The following SPATA21 variants were observed in gnomAD, a reference collection of about 807,000 sequenced individuals.
SPATA21 encodes spermatogenesis associated 21.
Under a neutral mutation model 54.8 loss-of-function variants are expected in SPATA21, and 47 were observed. The ratio of observed to expected loss-of-function variants is 0.86; its 90% CI spans 0.68 to 1.09. SPATA21 has a LOEUF of 1.09. Among genes scored for constraint, SPATA21 ranks in the 50% least tolerant of loss-of-function variants. SPATA21 has a pLI of 0.00. For synonymous variants in SPATA21, 245 were observed against 235.3 expected, an observed-to-expected ratio of 1.04 and a Z score of -0.38; for missense variants, 599 against 596.4, an observed-to-expected ratio of 1.00 and a Z score of -0.05.
At chr1:16,406,776 C>T (rs533158635) in intron 7 of SPATA21, among the ~76,000 whole-genome samples, 5 of 152,070 alleles carry the variant, frequency 3.3e-5, no homozygotes, top group African/African-American at 1.2e-4. Context: ...CAAATTTGGA[C>T]ACACACAGAG....
At chr1:16,431,458 C>T in intron 2 of SPATA21, 36 bp from the exon 3 acceptor site, 5 of 1,577,624 alleles carry the variant, frequency 3.2e-6, no homozygotes, top group Non-Finnish European at 4.3e-6. Flanking sequence ...CCCACCAAGC[C>T]CATCACCTAA....
At chr1:16,425,166 C>A (rs2086287232) in intron 3 of SPATA21, 1 of 470,912 alleles carries the variant, frequency 2.1e-6, no homozygotes, top group African/African-American at 2.0e-5. Context: ...CTCCTTCGGC[C>A]TCCAGAAGTG....
intron 2 of SPATA21, among the ~76,000 whole-genome samples, chr1:16,431,740 C>A (rs995978401): frequency 6.6e-6 from 1 of 152,162 alleles, no homozygotes; most frequent in Non-Finnish European, 1.5e-5. Flanking sequence ...GCGCTTTCCC[C>A]GACGGCGACA....
At chr1:16,430,369 GCT>G (rs1188656876) in intron 3 of SPATA21, among the ~76,000 whole-genome samples, 1 of 152,144 alleles carries the variant, frequency 6.6e-6, no homozygotes, top group Non-Finnish European at 1.5e-5. Flanking sequence ...GGAGTTCGAG[GCT>G]GCAGTGAGTC....
At chr1:16,412,316 C>A (rs2085875107) in intron 5 of SPATA21, among the ~76,000 whole-genome samples, 1 of 152,190 alleles carries the variant, frequency 6.6e-6, no homozygotes, top group African/African-American at 2.4e-5. Context: ...AGGACCAAAG[C>A]AGAGACCCCA....
chr1:16,429,294 C>T (rs761234831), intron 3 of SPATA21, among the ~76,000 whole-genome samples: 96 of 151,600 alleles, frequency 6.3e-4, no homozygotes, highest in Non-Finnish European at 1.0e-3. Context: ...TGAGCCACCG[C>T]GCCTGGCTTT....
At position 16,431,419 on chromosome 1, in the gene SPATA21, GCTCC is replaced by G. The variant is rs2086455198; in HGVS notation, c.-51-1_-49del. ...CCAAGTGAGGGGCATCACCTAGTGT[GCTCC>G]TACAGGAGAAATCCAATCAAGCGTC... On this transcript the variant is annotated splice_acceptor_variant and 5_prime_UTR_variant, in exon 3 of 13. Coordinates refer to ENST00000335496, the MANE Select transcript of SPATA21 (RefSeq NM_198546.1). LOFTEE classifies it low-confidence loss of function (5UTR_SPLICE). 1 of 1,610,556 alleles carries G rather than the reference GCTCC, an allele frequency of 6.2e-7. No individual in the cohort carries two copies. Among genetic ancestry groups the G allele is most frequent in the East Asian group, 2.2e-5 (1 of 44,844 alleles).
chr1:16,403,311 AG>A (rs1475028807), intron 10 of SPATA21, among the ~76,000 whole-genome samples: 1 of 152,050 alleles, frequency 6.6e-6, no homozygotes, highest in African/African-American at 2.4e-5. Context: ...CTCCCTCTGT[AG>A]GGAGAGCCTA....
chr1:16,400,434 GC>G, intron 11 of SPATA21: 3 of 1,124,842 alleles, frequency 2.7e-6, no homozygotes, highest in Non-Finnish European at 2.2e-6. Context: ...AGCTGGGATT[GC>G]TAATCTCTAC....
intron 3 of SPATA21, among the ~76,000 whole-genome samples, chr1:16,424,221 G>GTCAGGAGGTTGAGACC (rs1486141346): frequency 9.1e-6 from 1 of 110,484 alleles, no homozygotes; most frequent in African/African-American, 3.6e-5. Flanking sequence ...GCTGAGGCAG[G>GTCAGGAGGTTGAGACC]AGAATGGCAT....
chr1:16,436,292 A>T (rs940307067), intron 1 of SPATA21, among the ~76,000 whole-genome samples: 1 of 151,750 alleles, frequency 6.6e-6, no homozygotes, highest in Non-Finnish European at 1.5e-5. Flanking sequence ...AGGCTGAGGC[A>T]GGAGAATTGC....
rs538896707 is a variant in SPATA21, at chr1:16,403,599, G to A, written c.1001+128C>T. The A allele has an allele frequency of 1.1e-4, 91 of 791,578 alleles. 3 individuals are homozygous for A. Among genetic ancestry groups the A allele is most frequent in the South Asian group, 1.1e-3 (71 of 67,118 alleles). 49.0% of individuals were successfully genotyped at this position (791,578 alleles called of 1,614,324 possible). A position where few individuals can be genotyped will look rare whatever the true frequency, so the allele number is the denominator to read the frequency against. On this transcript the variant is annotated intron_variant, in intron 10 of 12. Coordinates refer to ENST00000335496, the MANE Select transcript of SPATA21 (RefSeq NM_198546.1). ...CACCTCCTGGGTTCAAGCGATTCTCGTGCCTCAGCCTCCAGTTTCTTTCAC... is the reference window on the plus strand; with the variant it reads ...CACCTCCTGGGTTCAAGCGATTCTCATGCCTCAGCCTCCAGTTTCTTTCAC...
At chr1:16,402,369 C>G (rs1180823816) in intron 10 of SPATA21, among the ~76,000 whole-genome samples, 1 of 139,534 alleles carries the variant, frequency 7.2e-6, no homozygotes, top group Non-Finnish European at 1.5e-5. Flanking sequence ...TCACGTCATT[C>G]TCCTGCCTCA....
chr1:16,419,290 G>A (rs1446771496), intron 5 of SPATA21, among the ~76,000 whole-genome samples: 1 of 152,222 alleles, frequency 6.6e-6, no homozygotes, highest in African/African-American at 2.4e-5. Flanking sequence ...AGGGCTGGAG[G>A]TTAGACCAGA....
downstream of SPATA21, chr1:16,395,976 T>C (rs1418906542): frequency 6.6e-6 from 1 of 152,624 alleles, no homozygotes; most frequent in Admixed American, 6.5e-5. Flanking sequence ...CTCTAGTATT[T>C]TGGGAGATAG....
At chr1:16,402,506 C>T (rs992197490) in intron 10 of SPATA21, among the ~76,000 whole-genome samples, 2 of 151,470 alleles carry the variant, frequency 1.3e-5, no homozygotes, top group Non-Finnish European at 2.9e-5. Context: ...TGTGATCCGC[C>T]CACCGCGGCC....
In SPATA21 at chr1:16,421,860, C is replaced by A; in HGVS notation, c.95+51G>T. Reference sequence around the variant, plus strand: ...AGAATTCACCCCACCTGAAACTCAGCAGAAGAGCATCCTTGTTGGGGGCAG... The same window carrying A: ...AGAATTCACCCCACCTGAAACTCAGAAGAAGAGCATCCTTGTTGGGGGCAG... On this transcript the variant is annotated intron_variant, in intron 4 of 12. Coordinates refer to ENST00000335496, the MANE Select transcript of SPATA21 (RefSeq NM_198546.1). This position sits in a 1 kb window ranked among gnomAD's most constrained non-coding sequence, Gnocchi z 5.2. 6.2e-7 allele frequency: 1 copy of A among 1,613,688 alleles called. No individual in the cohort carries two copies. Among genetic ancestry groups the A allele is most frequent in the Non-Finnish European group, 8.5e-7 (1 of 1,179,630 alleles).
intron 1 of SPATA21, among the ~76,000 whole-genome samples, chr1:16,435,204 G>A (rs1315838816): frequency 2.6e-5 from 4 of 152,038 alleles, no homozygotes; most frequent in African/African-American, 4.8e-5. Context: ...AGTGTAAAGT[G>A]TTATCTCATT....
intron 5 of SPATA21, among the ~76,000 whole-genome samples, chr1:16,415,477 C>G (rs77268970): frequency 6.6e-6 from 1 of 152,178 alleles, no homozygotes; most frequent in African/African-American, 2.4e-5. Context: ...TTCCAAAGTC[C>G]GGGGCCTCTG....
Sources: gnomAD v4.1 joint callset for allele counts (sites outside exome capture counted in the v4.1 genomes callset) on GRCh38, gnomAD v4.1.1 for gene constraint, Gnocchi (gnomAD v3.1) non-coding constraint, MANE v1.5 for transcripts, NCBI Gene and HGNC (gene_info 2026-07-23, HGNC 2026-07-21) for gene names.